The following BACH1 variants were observed in gnomAD, a reference collection of about 807,000 sequenced individuals.
BACH1 encodes transcription regulator protein BACH1.
In BACH1, 35 loss-of-function variants were observed where a neutral mutation model predicts 52.9. The ratio of observed to expected loss-of-function variants is 0.66; its 90% confidence interval spans 0.51 to 0.88. BACH1 has a LOEUF of 0.88. BACH1 is among the 40% of genes least tolerant of loss of function. The pLI is 0.00. For synonymous variants in BACH1, 321 were observed against 319.6 expected, an observed-to-expected ratio of 1.00 and a Z score of -0.05; for missense variants, 808 against 872.6, an observed-to-expected ratio of 0.93 and a Z score of 0.93.
At chr21:29,360,814 CA>C (rs924496415) in intron 2 of BACH1, among the ~76,000 whole-genome samples, 20 of 146,038 alleles carry the variant, frequency 1.4e-4, no homozygotes, top group African/African-American at 4.8e-4. Flanking sequence ...CACTGCACTC[CA>C]GACTGGGGCA....
intron 1 of BACH1, among the ~76,000 whole-genome samples, chr21:29,306,042 G>A (rs115712744): frequency 6.6e-6 from 1 of 152,280 alleles, no homozygotes; most frequent in African/African-American, 2.4e-5. Flanking sequence ...GAAAGCCTTA[G>A]GGATGTTTAG....
At chr21:29,298,986 C>T (rs1254591249) in intron 1 of BACH1, 33 bp downstream of exon 1, 1 of 151,814 alleles carries the variant, frequency 6.6e-6, no homozygotes, top group East Asian at 1.9e-4. Flanking sequence ...CGGCCCTTCT[C>T]CGGGAGGGTT....
chr21:29,360,661 A>G (rs1291389594), intron 2 of BACH1, among the ~76,000 whole-genome samples: 2 of 152,128 alleles, frequency 1.3e-5, no homozygotes, highest in African/African-American at 4.8e-5. Context: ...TCTGGCCAAC[A>G]TGGCGAAACC....
chr21:29,347,758 C>CA (rs1375662739), downstream of BACH1, among the ~76,000 whole-genome samples: 1 of 152,206 alleles, frequency 6.6e-6, no homozygotes, highest in Non-Finnish European at 1.5e-5. Flanking sequence ...TAAATGAATT[C>CA]AAAGGCTACT....
chr21:29,311,228 T>C (rs1181309369), intron 1 of BACH1, among the ~76,000 whole-genome samples: 2 of 152,226 alleles, frequency 1.3e-5, no homozygotes, highest in African/African-American at 4.8e-5. Flanking sequence ...CTCTTAGTTT[T>C]GTTAAAATCT....
At chr21:29,356,915 C>T (rs2123493817) in intron 2 of BACH1, among the ~76,000 whole-genome samples, 1 of 152,176 alleles carries the variant, frequency 6.6e-6, no homozygotes, top group South Asian at 2.1e-4. Context: ...TTTCTGTTGC[C>T]TCTGCCAGCT....
chr21:29,336,463 T>G (rs750566197), intron 4 of BACH1, among the ~76,000 whole-genome samples: 2 of 151,188 alleles, frequency 1.3e-5, no homozygotes, highest in South Asian at 2.1e-4. Context: ...CTGTGTTGCT[T>G]AGTTATCTAT....
intron 1 of BACH1, among the ~76,000 whole-genome samples, chr21:29,317,297 A>T (rs902891313): frequency 6.6e-6 from 1 of 152,242 alleles, no homozygotes; most frequent in Non-Finnish European, 1.5e-5. Flanking sequence ...TTGTTTCTGT[A>T]TTAAAAATAA....
intron 1 of BACH1, among the ~76,000 whole-genome samples, chr21:29,309,118 C>T (rs542111050): frequency 6.6e-5 from 10 of 152,056 alleles, no homozygotes; most frequent in African/African-American, 2.4e-4. Flanking sequence ...ATTATCTGGG[C>T]GTGGTGATGC....
chr21:29,359,991 C>T (rs1429010633), intron 2 of BACH1, among the ~76,000 whole-genome samples: 1 of 152,202 alleles, frequency 6.6e-6, no homozygotes, highest in African/African-American at 2.4e-5. Flanking sequence ...GACTATTCCT[C>T]TATTCATTCC....
chr21:29,326,320 G>A lies in BACH1; in HGVS notation c.496G>A (p.Glu166Lys), dbSNP rs2088910236. Residue 166 changes from glutamate (E) to lysine (K), a missense_variant, in exon 3 of 5, where the codon GAA becomes AAA. Physicochemically the swap from Glu to Lys is moderately conservative, Grantham distance 56. Coordinates refer to ENST00000286800, the MANE Select transcript of BACH1 (RefSeq NM_001186.4). ...KLSLLDQRDL[E>K]TDEVEEFLEN... The stretch of plus-strand genomic sequence containing the variant: ...TTCACTTTTGGACCAGAGGGATCTA[G>A]AAACTGATGAAGTGGAGGAATTTCT... 1 of 1,614,050 alleles carries A rather than the reference G, an allele frequency of 6.2e-7. No individual in the cohort carries two copies. Among genetic ancestry groups the A allele is most frequent in the African/African-American group, 1.3e-5 (1 of 74,912 alleles).
chr21:29,361,282 G>A (rs891844504), intron 2 of BACH1: 1 of 152,170 alleles, frequency 6.6e-6, no homozygotes, highest in African/African-American at 2.4e-5. Flanking sequence ...TATTGCAGAT[G>A]TTTTTGCACC....
chr21:29,342,707 G>A lies in BACH1; in HGVS notation c.2085G>A (p.Gly695=), dbSNP rs2089129132. 1 of 1,614,084 alleles carries A rather than the reference G, an allele frequency of 6.2e-7. No individual in the cohort carries two copies. Among genetic ancestry groups the A allele is most frequent in the Admixed American group, 1.7e-5 (1 of 60,008 alleles). ...RGNSEPGYAR[G]QESQQMSTAT... is the part of the protein sequence containing the mutation. The stretch of plus-strand genomic sequence containing the variant: ...ACAGTGAGCCTGGCTACGCGCGAGG[G>A]CAGGAGTCCCAGCAGATGTCCACAG... The change falls in exon 5 of 5, where the codon GGG becomes GGA. Residue 695 remains glycine (G), a synonymous_variant. Coordinates refer to ENST00000286800, the MANE Select transcript of BACH1 (RefSeq NM_001186.4).
chr21:29,334,494 C>G (rs1812745678), intron 4 of BACH1, among the ~76,000 whole-genome samples: 1 of 152,114 alleles, frequency 6.6e-6, no homozygotes, highest in Non-Finnish European at 1.5e-5. Context: ...TTTACAAGGT[C>G]CAAGTTTATT....
intron 1 of BACH1, among the ~76,000 whole-genome samples, chr21:29,303,424 C>G (rs1177824405): frequency 6.6e-6 from 1 of 152,162 alleles, no homozygotes; most frequent in African/African-American, 2.4e-5. Context: ...CTGTTGGTTG[C>G]TGAACTGGGT....
chr21:29,321,646 T>C lies in BACH1; in HGVS notation c.234+132T>C, dbSNP rs1011123224. Reference sequence around the variant, plus strand: ...CATTTCCCAGGTTCTGTGCAACCCCTTTTTTTTTTTTTTTTAGTTTTTTTA... The same window carrying C: ...CATTTCCCAGGTTCTGTGCAACCCCCTTTTTTTTTTTTTTTAGTTTTTTTA... On this transcript the variant is annotated intron_variant, in intron 2 of 4. Coordinates refer to ENST00000286800, the MANE Select transcript of BACH1 (RefSeq NM_001186.4). 6.2e-3 allele frequency: 926 copies of C among 150,276 alleles called. 3 individuals carry two copies. The highest frequency in any genetic ancestry group is 0.042 in the East Asian group (221 of 5,220). The allele number at this position is 150,276 out of a possible 1,614,324, so 9.3% of individuals were successfully genotyped here.
intron 1 of BACH1, among the ~76,000 whole-genome samples, chr21:29,314,808 T>A (rs1311228078): frequency 6.6e-6 from 1 of 152,144 alleles, no homozygotes; most frequent in Non-Finnish European, 1.5e-5. Flanking sequence ...CAATAATACT[T>A]AAGGATTTTC....
At position 29,321,881 on chromosome 21, in the gene BACH1, TG is replaced by T. The variant is rs2088852482; in HGVS notation, c.234+368del. Among the ~76,000 whole-genome samples the T allele has an allele frequency of 3.3e-5, 5 of 152,168 alleles. No homozygotes were observed. In the South Asian group the frequency reaches 8.3e-4, roughly 25 times the overall value. On this transcript the variant is annotated intron_variant, in intron 2 of 4. Transcript: ENST00000286800. ...TTCCAGTGATCAGCAATTGTAGCTATGTGTGTTAGTCTGTTCTCGTGGCGCT... is the reference window on the plus strand; with the variant it reads ...TTCCAGTGATCAGCAATTGTAGCTATTGTGTTAGTCTGTTCTCGTGGCGCT...
rs116544520 is a variant in BACH1, at chr21:29,343,063, A to T, written c.*230A>T. The T allele has an allele frequency of 5.7e-3, 2,292 of 400,710 alleles. 36 individuals are homozygous for T. Among genetic ancestry groups the T allele is most frequent in the African/African-American group, 0.042 (2,093 of 50,242 alleles). The allele number at this position is 400,710 out of a possible 1,614,324, so 24.8% of individuals were successfully genotyped here. ...AAAAATCCATGTGAAAATGTAGTAA[A>T]CCTTTAAAACTCATGTTTTAAAGAA... is the stretch of plus-strand genomic sequence containing the variant. On this transcript the variant is annotated 3_prime_UTR_variant, in exon 5 of 5. Transcript: ENST00000286800.
Sources: gnomAD v4.1 joint callset for allele counts (sites outside exome capture counted in the v4.1 genomes callset) on GRCh38, gnomAD v4.1.1 for gene constraint, MANE v1.5 for transcripts, NCBI Gene and HGNC (gene_info 2026-07-23, HGNC 2026-07-21) for gene names.